ZDHHC23: variants seen among roughly 807,000 people sequenced by gnomAD.
ZDHHC23 encodes the protein zDHHC palmitoyltransferase 23.
ZDHHC23 carries 41 observed loss-of-function variants against 40.2 expected under a neutral mutation model. The ratio of observed to expected loss-of-function variants is 1.02; its 90% CI spans 0.79 to 1.32. ZDHHC23 has a LOEUF of 1.32. ZDHHC23 is among the 40% of genes most tolerant of loss of function. The pLI is 0.00. For missense variants in ZDHHC23, 471 were observed against 541.5 expected, an observed-to-expected ratio of 0.87 and a Z score of 1.29; for synonymous variants, 204 against 210.2, an observed-to-expected ratio of 0.97 and a Z score of 0.26.
At chr3:113,967,381 CTTTCTTTCCCTACAT>C (rs1176637968), downstream of ZDHHC23, among the ~76,000 whole-genome samples, 1 of 115,344 alleles carries the variant, frequency 8.7e-6, no homozygotes, top group Non-Finnish European at 2.0e-5. Flanking sequence ...CTACATTTCT[CTTTCTTTCCCTACAT>C]TTCTCTTTCT....
chr3:113,967,157 C>A (rs1476616046), downstream of ZDHHC23, among the ~76,000 whole-genome samples: 1 of 152,092 alleles, frequency 6.6e-6, no homozygotes, highest in Non-Finnish European at 1.5e-5. Flanking sequence ...TACTTCATTG[C>A]TTGCTTTTAT....
rs140682107 is a variant in ZDHHC23 at position 113,949,142 on chromosome 3, A to C, written c.161+179A>C. 2.6e-4 allele frequency among the ~76,000 whole-genome samples: 39 copies of C among 152,372 alleles called. 1 individual carries two copies. The East Asian group carries it at 7.5e-3, about 29-fold the overall frequency. On this transcript the variant is annotated intron_variant, in intron 2 of 4. Transcript: ENST00000638807. ...ATTTTAGAAAGATGGATTACGCAGT[A>C]GTGCACAGCTGTCTGTCTGCTCTGT...
At chr3:113,979,118 G>A in the ZDHHC23 span, 1 of 1,004,134 alleles carries the variant, frequency 1.0e-6, no homozygotes, top group African/African-American at 1.6e-5. Flanking sequence ...GCAGTCGGTA[G>A]AGAATAATCT....
At chr3:113,956,869 T>G (rs1939274309) in intron 4 of ZDHHC23, among the ~76,000 whole-genome samples, 1 of 152,254 alleles carries the variant, frequency 6.6e-6, no homozygotes, top group South Asian at 2.1e-4. Context: ...TATTTTGTCA[T>G]AACGATCAGA....
chr3:113,953,070 T>C (rs985592398), intron 2 of ZDHHC23, among the ~76,000 whole-genome samples: 3 of 152,246 alleles, frequency 2.0e-5, no homozygotes, highest in African/African-American at 7.2e-5. Context: ...CATACTAGTT[T>C]GATCTCCATT....
chr3:113,965,332 T>A (rs151181828), downstream of ZDHHC23: 1 of 1,608,664 alleles, frequency 6.2e-7, no homozygotes. Context: ...ACTTCTTCCA[T>A]GTCCGAAGGG....
At chr3:113,978,135 T>C in the ZDHHC23 span, 2 of 1,600,008 alleles carry the variant, frequency 1.2e-6, no homozygotes, top group Non-Finnish European at 1.7e-6. Context: ...AATATATTGC[T>C]GAGCAATTGT....
rs993756553 is a variant in ZDHHC23 at position 113,948,738 on chromosome 3, A to G, written c.-65A>G. 1.3e-5 allele frequency: 20 copies of G among 1,590,576 alleles called. No homozygotes were observed. Among genetic ancestry groups the G allele is most frequent in the Non-Finnish European group, 1.7e-5 (20 of 1,162,536 alleles). ...GGCGTGGACCTATTTACGAGATGTA[A>G]GTTGTGTTCTTTCCACCTTTACCTT... On this transcript the variant is annotated 5_prime_UTR_variant, in exon 2 of 5. The change abolishes the stop of an existing upstream ORF in the 5' untranslated region. Transcript: ENST00000638807.
chr3:113,955,154 G>A (rs1434206081), intron 3 of ZDHHC23, among the ~76,000 whole-genome samples: 2 of 152,122 alleles, frequency 1.3e-5, no homozygotes, highest in Admixed American at 6.5e-5. Flanking sequence ...AATGCTTTTC[G>A]TGTCTAGGAT....
downstream of ZDHHC23, among the ~76,000 whole-genome samples, chr3:113,968,739 T>C (rs1050248464): frequency 1.3e-5 from 2 of 152,024 alleles, no homozygotes; most frequent in Non-Finnish European, 2.9e-5. Context: ...GGATTATAGA[T>C]GTGAGCCACT....
At position 113,959,807 on chromosome 3, in the gene ZDHHC23, G is replaced by C. The variant is rs892914672; in HGVS notation, c.*1177G>C. 6.8e-5 allele frequency: 72 copies of C among 1,054,394 alleles called. No individual in the cohort carries two copies. The highest frequency in any genetic ancestry group is 4.8e-4 in the Middle Eastern group (1 of 2,092). 65.3% of individuals were successfully genotyped at this position (1,054,394 alleles called of 1,614,324 possible). ...CCTAAATAACAGTATCTCACTAAGA[G>C]AGAAGAAACAGGGTATATGTGGTTT... On this transcript the variant is annotated 3_prime_UTR_variant, in exon 5 of 5. Coordinates refer to ENST00000638807, the MANE Select transcript of ZDHHC23 (RefSeq NM_001320466.2).
At chr3:113,976,419 C>CT in the ZDHHC23 span, among the ~76,000 whole-genome samples, 1 of 151,912 alleles carries the variant, frequency 6.6e-6, no homozygotes, top group Admixed American at 6.6e-5. Context: ...ATCTTTATAC[C>CT]TTGACAATTC....
At position 113,957,495 on chromosome 3, in the gene ZDHHC23, G is replaced by A. The variant is rs555925659; in HGVS notation, c.1041-868G>A. ...TCTGCTAACGCTGCAGGTGAGGCCCGTCCTGAAGCACAGCATGTCTGTGCA... is the reference window on the plus strand; with the variant it reads ...TCTGCTAACGCTGCAGGTGAGGCCCATCCTGAAGCACAGCATGTCTGTGCA... On this transcript the variant is annotated intron_variant, in intron 4 of 4. Coordinates refer to ENST00000638807, the MANE Select transcript of ZDHHC23 (RefSeq NM_001320466.2). 8.0e-5 allele frequency: 29 copies of A among 360,686 alleles called. No homozygotes were observed. In the East Asian group the frequency reaches 1.1e-3, roughly 14 times the overall value. 22.3% of individuals were successfully genotyped at this position (360,686 alleles called of 1,614,324 possible).
chr3:113,953,729 A>G lies in ZDHHC23; in HGVS notation c.191A>G (p.Glu64Gly), dbSNP rs754486278. 9.3e-6 allele frequency: 15 copies of G among 1,613,916 alleles called. No individual in the cohort carries two copies. The highest frequency in any genetic ancestry group is 1.3e-5 in the African/African-American group (1 of 74,912). The change falls in exon 3 of 5, where the codon GAG becomes GGG. Residue 64 changes from glutamate (E) to glycine (G), a missense_variant. By Grantham distance (98) the Glu-to-Gly change is moderately conservative. Around this residue, in one of 3 missense-constraint regions of ZDHHC23, gnomAD observed 42 missense variants for 73.9 expected, o/e 0.57. Transcript: ENST00000638807. ...RWITCKSLQP[E>G]TCERIMDTIS... ...ATTACATGTAAATCTTTACAGCCAG[A>G]GACTTGTGAAAGAATCATGGATACA...
the ZDHHC23 span, among the ~76,000 whole-genome samples, chr3:113,975,722 G>A: frequency 1.3e-5 from 2 of 152,226 alleles, no homozygotes; most frequent in Non-Finnish European, 2.9e-5. Flanking sequence ...TAAATGATGA[G>A]ATCAGGTTAT....
At chr3:113,947,965 C>CGGCGCGGGGAGGCG (rs1245947329), upstream of ZDHHC23, 154 of 147,672 alleles carry the variant, frequency 1.0e-3, no homozygotes, top group Non-Finnish European at 1.9e-3. Context: ...GCGGTTGGGA[C>CGGCGCGGGGAGGCG]GGCGCGGGGA....
At chr3:113,963,783 G>T (rs1161230240), downstream of ZDHHC23, among the ~76,000 whole-genome samples, 1 of 151,732 alleles carries the variant, frequency 6.6e-6, no homozygotes, top group Non-Finnish European at 1.5e-5. Context: ...AATAAAATTG[G>T]TATTTCATTT....
rs769379953 is a variant in ZDHHC23 at position 113,954,083 on chromosome 3, T to C, written c.545T>C (p.Leu182Pro). The C allele has an allele frequency of 3.1e-6, 5 of 1,614,174 alleles. No individual in the cohort carries two copies. The highest frequency in any genetic ancestry group is 4.2e-6 in the Non-Finnish European group (5 of 1,180,048). The change falls in exon 3 of 5, where the codon CTC (leucine) becomes CCC (proline). Residue 182 changes from leucine to proline, a missense_variant. Leu to Pro is a moderately conservative substitution (Grantham distance 98). This residue lies in a region of ZDHHC23 where 346 missense variants were observed against 399.8 expected (regional missense o/e 0.87). Coordinates refer to ENST00000638807, the MANE Select transcript of ZDHHC23 (RefSeq NM_001320466.2). ...AVLTCGLFLI[L>P]LALHRAKKNP... The stretch of plus-strand genomic sequence containing the variant: ...CTTACCTGCGGGTTATTTCTGATAC[T>C]CTTAGCCTTGCACAGAGCCAAGAAG...
Position 113,954,100 on chromosome 3 carries a change from G to T in ZDHHC23, c.562G>T (p.Ala188Ser). Residue 188 changes from alanine to serine, a missense_variant, in exon 3 of 5, where the codon GCC becomes TCC. By Grantham distance (99) the Ala-to-Ser change is moderately conservative. Transcript: ENST00000638807. ...LFLILLALHR[A>S]KKNPGYLSNP... ...TCTGATACTCTTAGCCTTGCACAGAGCCAAGAAGAATCCAGGCTACCTCAG... is the reference window on the plus strand; with the variant it reads ...TCTGATACTCTTAGCCTTGCACAGATCCAAGAAGAATCCAGGCTACCTCAG... The T allele has an allele frequency of 1.9e-6, 3 of 1,614,190 alleles. No homozygotes were observed. Among genetic ancestry groups the T allele is most frequent in the Non-Finnish European group, 1.7e-6 (2 of 1,180,042 alleles).
Sources: gnomAD v4.1 joint callset for allele counts (sites outside exome capture counted in the v4.1 genomes callset) on GRCh38, gnomAD v4.1.1 for gene constraint, gnomAD v4.1.1 regional missense constraint, MANE v1.5 for transcripts, NCBI Gene and HGNC (gene_info 2026-07-23, HGNC 2026-07-21) for gene names.